UGT8: variants seen among roughly 807,000 people sequenced by gnomAD.
UGT8 encodes the protein 2-hydroxyacylsphingosine 1-beta-galactosyltransferase.
UGT8 carries 12 observed loss-of-function variants against 40.5 expected under a neutral mutation model. That is an observed-to-expected ratio of 0.30 (90% CI 0.19 to 0.48). The LOEUF (loss-of-function observed/expected upper bound fraction) is 0.48. Ranked by LOEUF, UGT8 falls within the 20% of genes least tolerant of loss-of-function variation. The probability of loss-of-function intolerance (pLI) is 0.99; values close to 1 mark genes in which losing one functional copy is unlikely to be tolerated. For missense variants in UGT8, 513 were observed against 648.7 expected, an observed-to-expected ratio of 0.79 and a Z score of 2.27; for synonymous variants, 224 against 240.4, an observed-to-expected ratio of 0.93 and a Z score of 0.63.
Position 114,605,205 on chromosome 4 carries a change from A to G in UGT8, c.-3+6231A>G, listed in dbSNP as rs148176891. ...TTATGAATGGCAGGGCATCTAGGAC[A>G]GTGTAGGTCAGTTCGTATTCTCTGG... On this transcript the variant is annotated intron_variant, in intron 1 of 5. Transcript: ENST00000310836. 2.2e-4 allele frequency among the ~76,000 whole-genome samples: 34 copies of G among 152,302 alleles called. No homozygotes were observed. The East Asian group carries it at 2.9e-3, about 13-fold the overall frequency.
chr4:114,609,545 T>C (rs930834590), intron 1 of UGT8, among the ~76,000 whole-genome samples: 2 of 152,102 alleles, frequency 1.3e-5, no homozygotes, highest in Non-Finnish European at 2.9e-5. Flanking sequence ...CCTTTCACTT[T>C]TCTGGAGATA....
chr4:114,656,044 A>T (rs1378057530), intron 2 of UGT8, among the ~76,000 whole-genome samples: 1 of 152,124 alleles, frequency 6.6e-6, no homozygotes, highest in Non-Finnish European at 1.5e-5. Flanking sequence ...CACAGAAGGG[A>T]TGCTATATTC....
chr4:114,601,747 C>G (rs1330203719), intron 1 of UGT8, among the ~76,000 whole-genome samples: 3 of 151,502 alleles, frequency 2.0e-5, no homozygotes, highest in Non-Finnish European at 4.4e-5. Context: ...GTGTATAGAG[C>G]TGTTTTTGTT....
chr4:114,624,518 G>T (rs1313502253), intron 2 of UGT8, among the ~76,000 whole-genome samples: 2 of 152,118 alleles, frequency 1.3e-5, no homozygotes, highest in Non-Finnish European at 2.9e-5. Context: ...TGTAGGGCTT[G>T]TTGCAGGACT....
chr4:114,674,543 A>T (rs996497944), intron 5 of UGT8, among the ~76,000 whole-genome samples: 2 of 152,154 alleles, frequency 1.3e-5, no homozygotes, highest in Non-Finnish European at 2.9e-5. Context: ...TGTCTCCCTG[A>T]TATAATGGCT....
chr4:114,612,535 T>C (rs1731157842), intron 1 of UGT8, among the ~76,000 whole-genome samples: 2 of 152,342 alleles, frequency 1.3e-5, no homozygotes, highest in South Asian at 4.1e-4. Flanking sequence ...AAATTGCACA[T>C]TAGATCTATT....
chr4:114,622,595 A>T, intron 1 of UGT8: 1 of 294,650 alleles, frequency 3.4e-6, no homozygotes, highest in Non-Finnish European at 6.4e-6. Context: ...CCTCTCCGGC[A>T]CCTGTTGTTT....
chr4:114,637,669 T>A (rs1732970494), intron 2 of UGT8, among the ~76,000 whole-genome samples: 2 of 152,284 alleles, frequency 1.3e-5, no homozygotes, highest in Middle Eastern at 3.4e-3. Flanking sequence ...GGAACTAACA[T>A]TTATTTACTT....
At chr4:114,655,474 A>G (rs1252388827) in intron 2 of UGT8, among the ~76,000 whole-genome samples, 3 of 151,962 alleles carry the variant, frequency 2.0e-5, no homozygotes, top group African/African-American at 4.8e-5. Context: ...ATAGTAAACC[A>G]TGTTTCTCAT....
intron 1 of UGT8, among the ~76,000 whole-genome samples, chr4:114,602,532 C>G (rs911171458): frequency 6.6e-6 from 1 of 152,186 alleles, no homozygotes; most frequent in Non-Finnish European, 1.5e-5. Flanking sequence ...AACATTCATT[C>G]TTTTATTCAA....
intron 2 of UGT8, among the ~76,000 whole-genome samples, chr4:114,643,559 CA>C (rs1733360885): frequency 1.3e-5 from 2 of 152,118 alleles, no homozygotes; most frequent in African/African-American, 4.8e-5. Flanking sequence ...ATTTCACAAA[CA>C]AAAGATAAAT....
intron 4 of UGT8, 90 bp downstream of exon 4, chr4:114,665,846 T>C: frequency 1.1e-6 from 1 of 920,620 alleles, no homozygotes; most frequent in Non-Finnish European, 1.6e-6. Flanking sequence ...CAGAGGTTCA[T>C]ACGGTATACG....
At chr4:114,622,449 T>C (rs1011879080) in intron 1 of UGT8, 1 of 158,534 alleles carries the variant, frequency 6.3e-6, no homozygotes, top group African/African-American at 2.4e-5. Context: ...GCATGATTTA[T>C]AGTCCTTTGG....
At chr4:114,640,023 ATGTT>A (rs1050674187) in intron 2 of UGT8, among the ~76,000 whole-genome samples, 2 of 138,028 alleles carry the variant, frequency 1.4e-5, no homozygotes, top group East Asian at 2.4e-4. Flanking sequence ...ATGTAAAAAT[ATGTT>A]TGTTTGTTTT....
intron 2 of UGT8, chr4:114,656,767 T>A: frequency 1.9e-6 from 1 of 521,410 alleles, no homozygotes; most frequent in Non-Finnish European, 3.9e-6. Flanking sequence ...TTTGGGGGAG[T>A]GAAGAGTAGA....
intron 1 of UGT8, among the ~76,000 whole-genome samples, chr4:114,607,348 A>C (rs1730796141): frequency 1.3e-5 from 2 of 152,154 alleles, no homozygotes; most frequent in Non-Finnish European, 2.9e-5. Flanking sequence ...ATTACCTTTA[A>C]GTAGTCTTTC....
chr4:114,671,756 A>G (rs1397435089), intron 5 of UGT8, among the ~76,000 whole-genome samples: 2 of 152,260 alleles, frequency 1.3e-5, no homozygotes, highest in Admixed American at 6.5e-5. Flanking sequence ...CATTCAGGAC[A>G]TAGGCATGGG....
At chr4:114,672,700 G>A (rs559461397) in intron 5 of UGT8, among the ~76,000 whole-genome samples, 1 of 152,226 alleles carries the variant, frequency 6.6e-6, no homozygotes, top group Non-Finnish European at 1.5e-5. Flanking sequence ...CTTAGCGGAT[G>A]GGTCAATAGG....
intron 2 of UGT8, among the ~76,000 whole-genome samples, chr4:114,651,284 G>A (rs1733882295): frequency 1.3e-5 from 2 of 151,962 alleles, no homozygotes; most frequent in Admixed American, 1.3e-4. Context: ...AAGAAAATAT[G>A]CAGTTTGACT....
Sources: allele counts gnomAD v4.1 joint callset (sites outside exome capture counted in the v4.1 genomes callset), GRCh38; gene constraint gnomAD v4.1.1; transcripts MANE v1.5; gene names NCBI Gene and HGNC (gene_info 2026-07-23, HGNC 2026-07-21).